Variants in ZNF277 observed in about 807,000 individuals in gnomAD.
ZNF277 encodes zinc finger protein 277, also known as nuclear receptor-interacting factor 4.
Under a neutral mutation model 60.7 loss-of-function variants are expected in ZNF277, and 55 were observed. The observed-to-expected ratio is 0.91, with a 90% CI of 0.73 to 1.13. The LOEUF is 1.13. ZNF277 is among the 50% of genes most tolerant of loss of function. The pLI, the probability that ZNF277 is intolerant of heterozygous loss-of-function variation, is 0.00. For missense variants in ZNF277, 510 were observed against 523.0 expected (o/e 0.98, Z 0.24); for synonymous variants, 178 against 179.3 (o/e 0.99, Z 0.06).
Position 112,327,814 on chromosome 7 carries a change from A to G in ZNF277, c.655A>G (p.Lys219Glu), listed in dbSNP as rs1793134020. 1 of 1,607,268 alleles carries G rather than the reference A, an allele frequency of 6.2e-7. No homozygotes were observed. The highest frequency in any genetic ancestry group is 1.7e-5 in the Admixed American group (1 of 58,742). Residue 219 changes from lysine (K) to glutamate (E), a missense_variant, in exon 6 of 12, where the codon AAA becomes GAA. Lys to Glu is a moderately conservative substitution (Grantham distance 56, BLOSUM62 1). Coordinates refer to ENST00000361822, the MANE Select transcript of ZNF277 (RefSeq NM_021994.3). Reference protein sequence around the residue: ...NCNEFLCTLQKKLDNLQCLYC... With the variant: ...NCNEFLCTLQEKLDNLQCLYC... Reference sequence around the variant, plus strand: ...CAATGAATTTTTGTGTACATTACAGAAAAAGCTTGACAAGTAAGTACTGAT... The same window carrying G: ...CAATGAATTTTTGTGTACATTACAGGAAAAGCTTGACAAGTAAGTACTGAT...
At chr7:112,209,442 A>G (rs1246484922) in intron 1 of ZNF277, among the ~76,000 whole-genome samples, 1 of 152,198 alleles carries the variant, frequency 6.6e-6, no homozygotes, top group Non-Finnish European at 1.5e-5. Flanking sequence ...AGATTGAATT[A>G]AGTAACTGAT....
At chr7:112,251,553 T>C (rs1223902529) in intron 1 of ZNF277, among the ~76,000 whole-genome samples, 1 of 152,200 alleles carries the variant, frequency 6.6e-6, no homozygotes, top group Non-Finnish European at 1.5e-5. Flanking sequence ...CTCCTTGAAA[T>C]TAGTTATCTT....
chr7:112,258,877 T>G (rs546386625), intron 1 of ZNF277, among the ~76,000 whole-genome samples: 9 of 152,180 alleles, frequency 5.9e-5, no homozygotes, highest in Admixed American at 1.3e-4. Flanking sequence ...ACCATTTGCC[T>G]TTGTGACATT....
At chr7:112,221,385 G>A (rs1031154433) in intron 1 of ZNF277, among the ~76,000 whole-genome samples, 5 of 152,162 alleles carry the variant, frequency 3.3e-5, no homozygotes, top group South Asian at 2.1e-4. Context: ...CCACCATCTC[G>A]GGAGCTCTGG....
At chr7:112,320,457 C>G (rs779575709) in intron 5 of ZNF277, among the ~76,000 whole-genome samples, 21 of 152,032 alleles carry the variant, frequency 1.4e-4, no homozygotes, top group Non-Finnish European at 2.9e-4. Flanking sequence ...CACCTATGCA[C>G]TATATTAACA....
chr7:112,206,823 C>T lies in ZNF277; in HGVS notation c.91+16C>T, dbSNP rs752562595. 6 of 1,610,846 alleles carry T rather than the reference C, an allele frequency of 3.7e-6. No individual in the cohort carries two copies. The highest frequency in any genetic ancestry group is 5.1e-6 in the Non-Finnish European group (6 of 1,178,186). Reference sequence around the variant, plus strand: ...GGTTATGGGGGTGAGTACGGTGCCCCGGAGGCGCGGCTGATGTGTCTTCCT... The same window carrying T: ...GGTTATGGGGGTGAGTACGGTGCCCTGGAGGCGCGGCTGATGTGTCTTCCT... On this transcript the variant is annotated intron_variant, in intron 1 of 11. Transcript: ENST00000361822.
At chr7:112,340,034 G>C in intron 10 of ZNF277, 149 bp downstream of exon 10, 1 of 713,550 alleles carries the variant, frequency 1.4e-6, no homozygotes, top group Non-Finnish European at 2.3e-6. Flanking sequence ...TCTCTGTGAA[G>C]CAGTGATGCT....
intron 2 of ZNF277, among the ~76,000 whole-genome samples, chr7:112,292,406 G>C (rs185544366): frequency 6.6e-6 from 1 of 152,266 alleles, no homozygotes; most frequent in Non-Finnish European, 1.5e-5. Context: ...GAGGGCTACT[G>C]TTAAGTAGTA....
chr7:112,319,285 A>G (rs1297377598), intron 5 of ZNF277, among the ~76,000 whole-genome samples: 1 of 152,108 alleles, frequency 6.6e-6, no homozygotes, highest in African/African-American at 2.4e-5. Flanking sequence ...GAAGCTATGT[A>G]GGGTCCTACC....
intron 9 of ZNF277, 85 bp from the exon 10 acceptor site, chr7:112,339,758 A>G (rs1793407026): frequency 7.4e-7 from 1 of 1,358,876 alleles, no homozygotes. Flanking sequence ...AAACTACTCA[A>G]ACTCCTGTGA....
At chr7:112,303,702 A>C (rs996702603) in intron 4 of ZNF277, among the ~76,000 whole-genome samples, 2 of 151,962 alleles carry the variant, frequency 1.3e-5, no homozygotes, top group African/African-American at 4.8e-5. Context: ...TAACTCCTGC[A>C]TTTACATTTT....
chr7:112,275,640 T>C (rs946440210), intron 1 of ZNF277, among the ~76,000 whole-genome samples: 1 of 152,208 alleles, frequency 6.6e-6, no homozygotes, highest in Non-Finnish European at 1.5e-5. Context: ...TTGTTTTTAA[T>C]CCATTTATTT....
intron 1 of ZNF277, among the ~76,000 whole-genome samples, chr7:112,228,618 T>C (rs1333846706): frequency 6.6e-6 from 1 of 152,126 alleles, no homozygotes; most frequent in East Asian, 1.9e-4. Flanking sequence ...ATATTAAATA[T>C]GCATGGTCTT....
chr7:112,255,018 AT>A (rs1430781969), intron 1 of ZNF277, among the ~76,000 whole-genome samples: 1 of 152,096 alleles, frequency 6.6e-6, no homozygotes, highest in Non-Finnish European at 1.5e-5. Context: ...AGTGATTGCC[AT>A]TTACTCTATA....
intron 6 of ZNF277, among the ~76,000 whole-genome samples, 167 bp from the exon 7 acceptor site, chr7:112,329,917 C>T (rs755730177): frequency 1.3e-5 from 2 of 152,156 alleles, no homozygotes; most frequent in Non-Finnish European, 2.9e-5. Context: ...ATGCACTCTA[C>T]AAAGCCAAAT....
chr7:112,238,345 A>G (rs1164559869), intron 1 of ZNF277, among the ~76,000 whole-genome samples: 1 of 152,188 alleles, frequency 6.6e-6, no homozygotes, highest in Non-Finnish European at 1.5e-5. Flanking sequence ...GCACCCATGG[A>G]AGGAACATTT....
chr7:112,325,623 G>T (rs766354999), intron 5 of ZNF277, among the ~76,000 whole-genome samples: 2 of 152,120 alleles, frequency 1.3e-5, no homozygotes, highest in Non-Finnish European at 2.9e-5. Context: ...GCAAGCCTAG[G>T]CTCACACATG....
chr7:112,249,928 A>G (rs1791165441), intron 1 of ZNF277, among the ~76,000 whole-genome samples: 1 of 152,134 alleles, frequency 6.6e-6, no homozygotes, highest in African/African-American at 2.4e-5. Context: ...TGTGTGTTTG[A>G]GCAATATGAA....
chr7:112,342,238 C>A (rs915809237), intron 11 of ZNF277, among the ~76,000 whole-genome samples: 1 of 152,060 alleles, frequency 6.6e-6, no homozygotes, highest in Non-Finnish European at 1.5e-5. Context: ...CAGCTACCTT[C>A]GAAGATAGTG....
Sources: allele counts gnomAD v4.1 joint callset (sites outside exome capture counted in the v4.1 genomes callset), GRCh38; gene constraint gnomAD v4.1.1; transcripts MANE v1.5; gene names NCBI Gene and HGNC (gene_info 2026-07-23, HGNC 2026-07-21).